The following EPHB1 variants were observed in gnomAD, a reference collection of about 807,000 sequenced individuals.
EPHB1 encodes EPH receptor B1.
In EPHB1, 30 loss-of-function variants were observed where a neutral mutation model predicts 94.4. The observed-to-expected ratio is 0.32, with a 90% CI of 0.24 to 0.43. The LOEUF (loss-of-function observed/expected upper bound fraction) is 0.43. Ranked by LOEUF, EPHB1 falls within the 20% of genes least tolerant of loss-of-function variation. The pLI is 1.00. For synonymous variants in EPHB1, 522 were observed against 489.1 expected, an observed-to-expected ratio of 1.07 and a Z score of -0.89; for missense variants, 1,055 against 1,308.3, an observed-to-expected ratio of 0.81 and a Z score of 2.99.
intron 3 of EPHB1, among the ~76,000 whole-genome samples, chr3:134,966,955 A>G (rs1163866539): frequency 6.6e-6 from 1 of 152,194 alleles, no homozygotes; most frequent in Non-Finnish European, 1.5e-5. Context: ...GCAACCAGGG[A>G]TGGGGGCACC....
chr3:134,890,916 C>A (rs929923117), intron 1 of EPHB1, among the ~76,000 whole-genome samples: 7 of 152,052 alleles, frequency 4.6e-5, no homozygotes, highest in African/African-American at 1.7e-4. Context: ...TAATAGCCTG[C>A]CTTTTTACCA....
rs185577051 is a variant in EPHB1 at position 134,970,200 on chromosome 3, C to T, written c.805+18148C>T. On this transcript the variant is annotated intron_variant, in intron 3 of 15. Transcript: ENST00000398015. ...TCAAGTTCAATAATTCTTTGCCTAA[C>T]CTTGGCACAAAGATTTTCTTCTCTG... Among the ~76,000 whole-genome samples the T allele has an allele frequency of 1.1e-4, 16 of 152,308 alleles. No individual in the cohort carries two copies. The East Asian group carries it at 3.1e-3, about 29-fold the overall frequency.
chr3:134,860,950 G>A (rs1027409785), intron 1 of EPHB1, among the ~76,000 whole-genome samples: 33 of 152,156 alleles, frequency 2.2e-4, no homozygotes, highest in African/African-American at 7.2e-4. Flanking sequence ...TCATTTGCAC[G>A]TGTTTGCTGC....
intron 3 of EPHB1, among the ~76,000 whole-genome samples, chr3:135,100,946 G>T (rs745926062): frequency 1.6e-4 from 24 of 152,126 alleles, no homozygotes; most frequent in Non-Finnish European, 3.2e-4. Flanking sequence ...AAAGAGATGT[G>T]TGGTGAGGTC....
intron 1 of EPHB1, among the ~76,000 whole-genome samples, chr3:134,921,198 C>T (rs1241971680): frequency 6.6e-6 from 1 of 152,164 alleles, no homozygotes; most frequent in Admixed American, 6.5e-5. Context: ...GGGATGACTC[C>T]TACTTCATTC....
chr3:134,864,307 C>T (rs1347742648), intron 1 of EPHB1, among the ~76,000 whole-genome samples: 6 of 152,168 alleles, frequency 3.9e-5, no homozygotes, highest in African/African-American at 1.4e-4. Context: ...GGTCTCATTC[C>T]AGGCCATTTG....
chr3:135,185,428 A>G (rs1942303071), intron 10 of EPHB1, among the ~76,000 whole-genome samples: 1 of 152,246 alleles, frequency 6.6e-6, no homozygotes, highest in Non-Finnish European at 1.5e-5. Flanking sequence ...CTCCAGGAAC[A>G]TAGTCAAAGT....
At chr3:135,140,550 C>T (rs1940783653) in intron 5 of EPHB1, among the ~76,000 whole-genome samples, 1 of 152,224 alleles carries the variant, frequency 6.6e-6, no homozygotes, top group African/African-American at 2.4e-5. Context: ...TGTGATCTTT[C>T]CTTTATCAGG....
At chr3:134,800,828 A>G (rs909031315) in intron 1 of EPHB1, among the ~76,000 whole-genome samples, 12 of 152,232 alleles carry the variant, frequency 7.9e-5, no homozygotes, top group African/African-American at 2.4e-4. Context: ...CCTATCAGGT[A>G]GGTATTATTA....
intron 1 of EPHB1, among the ~76,000 whole-genome samples, chr3:134,891,880 G>A (rs1476656829): frequency 3.3e-5 from 5 of 152,302 alleles, no homozygotes; most frequent in African/African-American, 7.2e-5. Flanking sequence ...CTATAGTTCC[G>A]TCACACTATG....
intron 1 of EPHB1, among the ~76,000 whole-genome samples, chr3:134,882,757 C>CTTTCTTTCTTTCTTTCTTTCTTTCT (rs1560280390): frequency 6.5e-5 from 1 of 15,268 alleles, no homozygotes; most frequent in African/African-American, 1.1e-4. Flanking sequence ...TTCCTTTCTT[C>CTTTCTTTCTTTCTTTCTTTCTTTCT]CTTCCTTCCT....
intron 1 of EPHB1, among the ~76,000 whole-genome samples, chr3:134,829,934 C>T (rs1048257384): frequency 6.6e-6 from 1 of 152,152 alleles, no homozygotes; most frequent in Non-Finnish European, 1.5e-5. Flanking sequence ...AGAAGAGAGG[C>T]CTGGAACAGA....
intron 3 of EPHB1, among the ~76,000 whole-genome samples, chr3:135,040,468 G>A (rs1016697542): frequency 6.6e-6 from 1 of 152,244 alleles, no homozygotes; most frequent in Non-Finnish European, 1.5e-5. Context: ...GCCATGCAGA[G>A]ACACAGAGCC....
chr3:135,042,131 C>T (rs1311354756), intron 3 of EPHB1, among the ~76,000 whole-genome samples: 3 of 152,140 alleles, frequency 2.0e-5, no homozygotes, highest in Non-Finnish European at 4.4e-5. Context: ...GAAGTTTTGC[C>T]ATATTGCCCA....
At chr3:134,868,394 C>T (rs1350258942) in intron 1 of EPHB1, among the ~76,000 whole-genome samples, 2 of 152,094 alleles carry the variant, frequency 1.3e-5, no homozygotes, top group African/African-American at 4.8e-5. Context: ...ATGAACTACC[C>T]CCTAAGTGTT....
At chr3:134,840,271 C>T (rs1482929625) in intron 1 of EPHB1, among the ~76,000 whole-genome samples, 1 of 152,108 alleles carries the variant, frequency 6.6e-6, no homozygotes, top group Non-Finnish European at 1.5e-5. Context: ...TGCTCTAGAC[C>T]CAGATGCCTA....
intron 12 of EPHB1, among the ~76,000 whole-genome samples, chr3:135,213,574 A>T (rs1411117482): frequency 2.0e-5 from 3 of 152,194 alleles, no homozygotes; most frequent in Non-Finnish European, 4.4e-5. Flanking sequence ...CACATCTTTG[A>T]TTAACTTATT....
chr3:134,908,209 G>GCATGCAT (rs2038375966), intron 1 of EPHB1, among the ~76,000 whole-genome samples: 1 of 152,196 alleles, frequency 6.6e-6, no homozygotes, highest in Non-Finnish European at 1.5e-5. Context: ...CACATGGTGT[G>GCATGCAT]GGGCCTTCTG....
At chr3:134,959,404 A>G (rs1429235814) in intron 3 of EPHB1, among the ~76,000 whole-genome samples, 1 of 152,192 alleles carries the variant, frequency 6.6e-6, no homozygotes, top group Non-Finnish European at 1.5e-5. Context: ...ATCTGCCTCC[A>G]CTTCTGAGAC....
Sources: gnomAD v4.1 joint callset for allele counts (sites outside exome capture counted in the v4.1 genomes callset) on GRCh38, gnomAD v4.1.1 for gene constraint, MANE v1.5 for transcripts, NCBI Gene and HGNC (gene_info 2026-07-23, HGNC 2026-07-21) for gene names.